The following DCUN1D3 variants were observed in gnomAD, a reference collection of about 807,000 sequenced individuals.
DCUN1D3 encodes the protein defective in cullin neddylation 1 domain containing 3, also known as DCN1-like protein 3.
DCUN1D3 carries 6 observed loss-of-function variants against 24.8 expected under a neutral mutation model. The observed-to-expected ratio is 0.24, with a 90% CI of 0.13 to 0.48. The LOEUF is 0.48. DCUN1D3 is among the 20% of genes least tolerant of loss of function. The pLI is 0.99. For synonymous variants in DCUN1D3, 120 were observed against 144.9 expected (o/e 0.83, Z 1.24); for missense variants, 258 against 379.4 (o/e 0.68, Z 2.66).
chr16:20,866,300 G>A (rs1244602708), intron 1 of DCUN1D3, among the ~76,000 whole-genome samples: 3 of 152,152 alleles, frequency 2.0e-5, no homozygotes, highest in East Asian at 1.9e-4. Context: ...AACCCCACAT[G>A]CTCACAGACT....
At chr16:20,865,464 C>T (rs951787181) in intron 1 of DCUN1D3, among the ~76,000 whole-genome samples, 1 of 152,152 alleles carries the variant, frequency 6.6e-6, no homozygotes, top group Non-Finnish European at 1.5e-5. Flanking sequence ...GACTCTTATT[C>T]CTACCTTCAA....
At chr16:20,886,870 C>T (rs1400054344) in intron 1 of DCUN1D3, among the ~76,000 whole-genome samples, 2 of 152,174 alleles carry the variant, frequency 1.3e-5, no homozygotes, top group African/African-American at 4.8e-5. Flanking sequence ...TTGCCCAATT[C>T]TAGAATTGCA....
chr16:20,860,057 G>A lies in DCUN1D3; in HGVS notation c.744C>T (p.Asn248=). The change falls in exon 3 of 3, where the codon AAC becomes AAT. Residue 248 remains asparagine (N), a synonymous_variant. Transcript: ENST00000324344. The surrounding 1 kb of genome is among the most constrained non-coding windows in gnomAD (Gnocchi z 4.3). ...GGTCAGGGCCAATCACCTGAGTGAAGTTAAGGAACATGTTCCAAGTGTCCC... is the reference window on the plus strand; with the variant it reads ...GGTCAGGGCCAATCACCTGAGTGAAATTAAGGAACATGTTCCAAGTGTCCC... The part of the protein sequence containing the change: ...ISRDTWNMFL[N]FTQVIGPDLS... 19 of 1,614,256 alleles carry A rather than the reference G, an allele frequency of 1.2e-5. No homozygotes were observed. Among genetic ancestry groups the A allele is most frequent in the Non-Finnish European group, 1.6e-5 (19 of 1,180,040 alleles).
rs1376355645 is a variant in DCUN1D3, at chr16:20,856,043, A to G, written c.*3843T>C. On this transcript the variant is annotated 3_prime_UTR_variant, in exon 3 of 3. Coordinates refer to ENST00000324344, the MANE Select transcript of DCUN1D3 (RefSeq NM_173475.4). ...GTCAAGTAAAATGCAACAAAAACCT[A>G]GCAGCAGCTTTCTTCTACGCCTTAA... 1 of 152,250 alleles carries G rather than the reference A, an allele frequency of 6.6e-6. No individual in the cohort carries two copies. The highest frequency in any genetic ancestry group is 1.9e-4 in the East Asian group (1 of 5,190). The allele number at this position is 152,250 out of a possible 1,614,324, so 9.4% of individuals were successfully genotyped here.
At position 20,860,389 on chromosome 16, in the gene DCUN1D3, G is replaced by T; in HGVS notation, c.432-20C>A. 1 of 1,601,626 alleles carries T rather than the reference G, an allele frequency of 6.2e-7. No homozygotes were observed. On this transcript the variant is annotated intron_variant, in intron 2 of 2. Coordinates refer to ENST00000324344, the MANE Select transcript of DCUN1D3 (RefSeq NM_173475.4). The surrounding 1 kb of genome is among the most constrained non-coding windows in gnomAD (Gnocchi z 4.3). ...TCCTTCCTGCAACAGAAAGGAAAAG[G>T]ACAATTAATCATTATAAACTATACT...
chr16:20,892,266 C>G (rs7185698), intron 1 of DCUN1D3, among the ~76,000 whole-genome samples: 105,323 of 152,082 alleles, frequency 0.69, 36,933 homozygotes, highest in Non-Finnish European at 0.73. Context: ...AGTAGACACA[C>G]AGCATTCACT....
rs1310622515 is a variant in DCUN1D3, at chr16:20,859,652, C to T, written c.*234G>A. ...CAAAAAAAGATACACAACATGTAAC[C>T]AGGTTCAAATATTCTGGGAGATCCC... On this transcript the variant is annotated 3_prime_UTR_variant, in exon 3 of 3. Transcript: ENST00000324344. 1.8e-5 allele frequency: 8 copies of T among 452,032 alleles called. No individual in the cohort carries two copies. The highest frequency in any genetic ancestry group is 3.0e-5 in the Non-Finnish European group (8 of 263,752). 28.0% of individuals were successfully genotyped at this position (452,032 alleles called of 1,614,324 possible). A position where few individuals can be genotyped will look rare whatever the true frequency, so the allele number is the denominator to read the frequency against.
intron 1 of DCUN1D3, among the ~76,000 whole-genome samples, chr16:20,876,535 A>C (rs2152517491): frequency 6.6e-6 from 1 of 152,270 alleles, no homozygotes; most frequent in African/African-American, 2.4e-5. Flanking sequence ...ACTATGGAAA[A>C]CAGTATAAAG....
chr16:20,899,093 A>C (rs2152519910), intron 1 of DCUN1D3, among the ~76,000 whole-genome samples: 1 of 152,380 alleles, frequency 6.6e-6, no homozygotes, highest in African/African-American at 2.4e-5. Flanking sequence ...CGTGTCACTG[A>C]TGATTTGTGT....
chr16:20,881,621 T>C (rs1217850603), intron 1 of DCUN1D3, among the ~76,000 whole-genome samples: 3 of 152,090 alleles, frequency 2.0e-5, no homozygotes, highest in Non-Finnish European at 4.4e-5. Context: ...ACAGTCATGA[T>C]AGCATTTACT....
chr16:20,878,022 G>A (rs535685066), intron 1 of DCUN1D3, among the ~76,000 whole-genome samples: 43 of 152,148 alleles, frequency 2.8e-4, no homozygotes, highest in African/African-American at 8.4e-4. Flanking sequence ...GGCTGGTCTC[G>A]AACTCCTGGG....
chr16:20,875,359 T>C (rs953308714), intron 1 of DCUN1D3, among the ~76,000 whole-genome samples: 4 of 152,094 alleles, frequency 2.6e-5, no homozygotes, highest in African/African-American at 9.7e-5. Context: ...ATTCTCTCAC[T>C]CAAAAACCAG....
intron 1 of DCUN1D3, among the ~76,000 whole-genome samples, chr16:20,880,603 T>TA (rs2081837962): frequency 1.7e-4 from 1 of 5,962 alleles, no homozygotes; most frequent in Admixed American, 2.5e-3. Flanking sequence ...AGACCCTGTC[T>TA]CAAAAAAAAA....
chr16:20,888,731 C>T (rs2081878209), intron 1 of DCUN1D3, among the ~76,000 whole-genome samples: 2 of 152,210 alleles, frequency 1.3e-5, no homozygotes, highest in East Asian at 1.9e-4. Context: ...GCTAGGACTA[C>T]AGGCATGAGC....
At chr16:20,869,101 G>C (rs765094660) in intron 1 of DCUN1D3, 1 of 152,484 alleles carries the variant, frequency 6.6e-6, no homozygotes, top group African/African-American at 2.4e-5. Context: ...GGCCTGGAGC[G>C]GCCACTGCTG....
At position 20,861,771 on chromosome 16, in the gene DCUN1D3, AAG is replaced by A. The variant is rs1310571179; in HGVS notation, c.431+335_431+336del. ...CTGCAAAAAAAAAAAGAAAAAGAAA[AAG>A]AAAAAAAAAACCATAGCGTACACAT... On this transcript the variant is annotated intron_variant, in intron 2 of 2. Transcript: ENST00000324344. Among the ~76,000 whole-genome samples, 20 of 152,134 alleles carry A rather than the reference AAG, an allele frequency of 1.3e-4. No homozygotes were observed. The East Asian group carries it at 3.1e-3, about 24-fold the overall frequency.
intron 1 of DCUN1D3, among the ~76,000 whole-genome samples, chr16:20,870,652 A>G (rs2081783819): frequency 6.6e-6 from 1 of 152,234 alleles, no homozygotes; most frequent in Non-Finnish European, 1.5e-5. Flanking sequence ...CTTCCTTGAC[A>G]GAAGGGACCA....
intron 1 of DCUN1D3, among the ~76,000 whole-genome samples, chr16:20,895,197 C>A (rs537956841): frequency 6.6e-6 from 1 of 152,158 alleles, no homozygotes; most frequent in Non-Finnish European, 1.5e-5. Flanking sequence ...TGGGTTCAAG[C>A]AATTCTCCTG....
At chr16:20,891,251 C>T (rs2081891075) in intron 1 of DCUN1D3, among the ~76,000 whole-genome samples, 1 of 152,178 alleles carries the variant, frequency 6.6e-6, no homozygotes, top group African/African-American at 2.4e-5. Context: ...CTCGGCCTCC[C>T]AAAGTGCTGG....
Sources: allele counts gnomAD v4.1 joint callset (sites outside exome capture counted in the v4.1 genomes callset), GRCh38; gene constraint gnomAD v4.1.1; non-coding constraint Gnocchi (gnomAD v3.1); transcripts MANE v1.5; gene names NCBI Gene and HGNC (gene_info 2026-07-23, HGNC 2026-07-21).